Variants in MYD88 observed in about 807,000 individuals in gnomAD.
The protein encoded by MYD88 is MYD88 innate immune signal transduction adaptor, also known as myeloid differentiation primary response protein MyD88.
In MYD88, 15 loss-of-function variants were observed where a neutral mutation model predicts 31.1. The ratio of observed to expected loss-of-function variants is 0.48; its 90% CI spans 0.32 to 0.74. The LOEUF (loss-of-function observed/expected upper bound fraction) is 0.74, where lower values mean the gene tolerates loss of function less well. Ranked by LOEUF, MYD88 falls within the 30% of genes least tolerant of loss-of-function variation. The pLI is 0.03. For missense variants in MYD88, 308 were observed against 387.4 expected, an observed-to-expected ratio of 0.79 and a Z score of 1.72; for synonymous variants, 157 against 158.8, an observed-to-expected ratio of 0.99 and a Z score of 0.08.
chr3:38,139,811 TAA>T lies in MYD88; in HGVS notation c.329-51_329-50del. The stretch of plus-strand genomic sequence containing the variant: ...ACAGCGGCTGGATCCTGACTGTGGG[TAA>T]AGAGGTAGGCACTCCCAGGGAGGCT... On this transcript the variant is annotated intron_variant, in intron 1 of 4. Transcript: ENST00000650905. The surrounding 1 kb of genome is among the most constrained non-coding windows in gnomAD (Gnocchi z 4.7). 1 of 1,608,216 alleles carries T rather than the reference TAA, an allele frequency of 6.2e-7. No individual in the cohort carries two copies. Among genetic ancestry groups the T allele is most frequent in the South Asian group, 1.1e-5 (1 of 90,666 alleles).
At position 38,139,092 on chromosome 3, in the gene MYD88, A is replaced by G. The variant is rs1264216346; in HGVS notation, c.328+64A>G. 1.3e-6 allele frequency: 2 copies of G among 1,550,708 alleles called. No homozygotes were observed. The highest frequency in any genetic ancestry group is 1.7e-6 in the Non-Finnish European group (2 of 1,153,874). On this transcript the variant is annotated intron_variant, in intron 1 of 4. Coordinates refer to ENST00000650905, the MANE Select transcript of MYD88 (RefSeq NM_002468.5). This position sits in a 1 kb window ranked among gnomAD's most constrained non-coding sequence, Gnocchi z 4.7. ...GAGGAGGCTGACTTTCCGCGGCCTC[A>G]GCATCCTGTCTCCCATGGAGAGACC...
chr3:38,141,529 C>T lies in MYD88; in HGVS notation c.*243C>T, dbSNP rs1237754134. Reference sequence around the variant, plus strand: ...TCAGCCAGGACACTATAGAACAGGACCAGCTGAGACTAAGAAGGACCAGCA... The same window carrying T: ...TCAGCCAGGACACTATAGAACAGGATCAGCTGAGACTAAGAAGGACCAGCA... On this transcript the variant is annotated 3_prime_UTR_variant, in exon 5 of 5. Transcript: ENST00000650905. 2.9e-5 allele frequency: 17 copies of T among 592,636 alleles called. No individual in the cohort carries two copies. In the East Asian group the frequency reaches 4.4e-4, roughly 15 times the overall value. The allele number at this position is 592,636 out of a possible 1,614,324, so 36.7% of individuals were successfully genotyped here. A position where few individuals can be genotyped will look rare whatever the true frequency, so the allele number is the denominator to read the frequency against.
Position 38,139,718 on chromosome 3 carries a change from C to T in MYD88, c.329-146C>T, listed in dbSNP as rs570566024. On this transcript the variant is annotated intron_variant, in intron 1 of 4. Coordinates refer to ENST00000650905, the MANE Select transcript of MYD88 (RefSeq NM_002468.5). The surrounding 1 kb of genome is among the most constrained non-coding windows in gnomAD (Gnocchi z 4.7). ...CAGTGGGAGCTCAACTTCTCAGAGCCGTTGAGCTTCGCGTGGCACCAGTGA... is the reference window on the plus strand; with the variant it reads ...CAGTGGGAGCTCAACTTCTCAGAGCTGTTGAGCTTCGCGTGGCACCAGTGA... 3.8e-5 allele frequency: 38 copies of T among 997,400 alleles called. 2 individuals are homozygous for T. The highest frequency in any genetic ancestry group is 2.6e-4 in the South Asian group (19 of 72,742). The allele number at this position is 997,400 out of a possible 1,614,324, so 61.8% of individuals were successfully genotyped here.
Position 38,142,594 on chromosome 3 carries a change from G to A in MYD88, c.*1308G>A, listed in dbSNP as rs1804726. 4.3e-6 allele frequency: 1 copy of A among 233,212 alleles called. No individual in the cohort carries two copies. The highest frequency in any genetic ancestry group is 8.5e-6 in the Non-Finnish European group (1 of 118,086). The allele number at this position is 233,212 out of a possible 1,614,324, so 14.4% of individuals were successfully genotyped here. A position where few individuals can be genotyped will look rare whatever the true frequency, so the allele number is the denominator to read the frequency against. Reference sequence around the variant, plus strand: ...ACAACAATGAACTGCAGACACAGCTGTTCTCTCCCTCTCTCCTTCCCAGAG... The same window carrying A: ...ACAACAATGAACTGCAGACACAGCTATTCTCTCCCTCTCTCCTTCCCAGAG... On this transcript the variant is annotated 3_prime_UTR_variant, in exon 5 of 5. Transcript: ENST00000650905.
rs1445955783 is a variant in MYD88 at position 38,140,858 on chromosome 3, A to G, written c.736+10A>G. On this transcript the variant is annotated intron_variant, in intron 4 of 4. Coordinates refer to ENST00000650905, the MANE Select transcript of MYD88 (RefSeq NM_002468.5). ...CTCAGCCTCTCTCCAGGTAAGCTCA[A>G]CCCTGCTCTGGCAAGAGAATGAGGG... 5 of 1,612,090 alleles carry G rather than the reference A, an allele frequency of 3.1e-6. No individual in the cohort carries two copies. The highest frequency in any genetic ancestry group is 1.3e-5 in the African/African-American group (1 of 74,858).
Position 38,139,303 on chromosome 3 carries a change from T to C in MYD88, c.328+275T>C. The C allele has an allele frequency of 1.8e-6, 1 of 547,152 alleles. No homozygotes were observed. Among genetic ancestry groups the C allele is most frequent in the East Asian group, 3.1e-5 (1 of 32,174 alleles). The allele number at this position is 547,152 out of a possible 1,614,324, so 33.9% of individuals were successfully genotyped here. The stretch of plus-strand genomic sequence containing the variant: ...GCCAGGAGTCAGAATCAGGCTTCTG[T>C]GGGGGCATCTGGGCTGTTTCAAGTA... On this transcript the variant is annotated intron_variant, in intron 1 of 4. Transcript: ENST00000650905. The surrounding 1 kb of genome is among the most constrained non-coding windows in gnomAD (Gnocchi z 4.7).
rs2125776194 is a variant in MYD88, at chr3:38,139,021, C to T, written c.321C>T (p.Pro107=). 1.9e-6 allele frequency: 3 copies of T among 1,603,820 alleles called. No individual in the cohort carries two copies. Among genetic ancestry groups the T allele is most frequent in the Non-Finnish European group, 2.5e-6 (3 of 1,179,674 alleles). The change falls in exon 1 of 5, where the codon CCC becomes CCT. Residue 107 remains proline, a synonymous_variant. Transcript: ENST00000650905. This position sits in a 1 kb window ranked among gnomAD's most constrained non-coding sequence, Gnocchi z 4.7. The part of the protein sequence containing the change: ...GRDDVLLELG[P]SIEEDCQKYI... The stretch of plus-strand genomic sequence containing the variant: ...ACGACGTGCTGCTGGAGCTGGGACC[C>T]AGCATTGGTGAGGACGTCCCCTTCC...
In MYD88 at chr3:38,139,138, C is replaced by T; in HGVS notation, c.328+110C>T. On this transcript the variant is annotated intron_variant, in intron 1 of 4. Coordinates refer to ENST00000650905, the MANE Select transcript of MYD88 (RefSeq NM_002468.5). This position sits in a 1 kb window ranked among gnomAD's most constrained non-coding sequence, Gnocchi z 4.7. ...AGACCCCATTTCCTGCCTCGGGGGC[C>T]CGAAGAAGCCTGCAGAGGGAGAACC... 1 of 1,393,080 alleles carries T rather than the reference C, an allele frequency of 7.2e-7. No homozygotes were observed. Among genetic ancestry groups the T allele is most frequent in the Non-Finnish European group, 9.5e-7 (1 of 1,051,952 alleles). 86.3% of individuals were successfully genotyped at this position (1,393,080 alleles called of 1,614,324 possible).
At position 38,142,981 on chromosome 3, in the gene MYD88, C is replaced by T. The variant is rs1701115771; in HGVS notation, c.*1695C>T. ...TTCCTATATCCTGGAATATATCTTG[C>T]ATCCTGAGTTTATAATAATAAATAA... On this transcript the variant is annotated 3_prime_UTR_variant, in exon 5 of 5. Transcript: ENST00000650905. 2 of 232,806 alleles carry T rather than the reference C, an allele frequency of 8.6e-6. No individual in the cohort carries two copies. Among genetic ancestry groups the T allele is most frequent in the Admixed American group, 5.6e-5 (1 of 17,772 alleles). The allele number at this position is 232,806 out of a possible 1,614,324, so 14.4% of individuals were successfully genotyped here. A position where few individuals can be genotyped will look rare whatever the true frequency, so the allele number is the denominator to read the frequency against.
At chr3:38,140,734 G>A (rs1285665932) in intron 3 of MYD88, 23 bp from the exon 4 acceptor site, 9 of 1,612,018 alleles carry the variant, frequency 5.6e-6, no homozygotes, top group Admixed American at 1.7e-5. Context: ...CACAGGACCT[G>A]CAGCCTGCCC....
rs770424976 is a variant in MYD88 at position 38,140,408 on chromosome 3, G to A, written c.484G>A (p.Asp162Asn). 6 of 1,614,058 alleles carry A rather than the reference G, an allele frequency of 3.7e-6. No homozygotes were observed. Among genetic ancestry groups the A allele is most frequent in the East Asian group, 2.2e-5 (1 of 44,894 alleles). ...CCCAGGGCATATGCCTGAGCGTTTC[G>A]ATGCCTTCATCTGCTATTGCCCCAG... ...DPLGHMPERFDAFICYCPSDI... is the reference protein window; with the variant it reads ...DPLGHMPERFNAFICYCPSDI... The change falls in exon 3 of 5, where the codon GAT becomes AAT. Residue 162 changes from aspartate (D) to asparagine (N), a missense_variant. Asp to Asn is a conservative substitution (Grantham distance 23, BLOSUM62 1). Coordinates refer to ENST00000650905, the MANE Select transcript of MYD88 (RefSeq NM_002468.5).
Position 38,139,407 on chromosome 3 carries a change from C to A in MYD88, c.328+379C>A, listed in dbSNP as rs995389428. On this transcript the variant is annotated intron_variant, in intron 1 of 4. Transcript: ENST00000650905. The surrounding 1 kb of genome is among the most constrained non-coding windows in gnomAD (Gnocchi z 4.7). ...TCCTGGGGAAATGCAGCCCTTCTTT[C>A]TACTCACTGGCACTTACATAATATA... 1 of 405,530 alleles carries A rather than the reference C, an allele frequency of 2.5e-6. No homozygotes were observed. The highest frequency in any genetic ancestry group is 4.5e-6 in the Non-Finnish European group (1 of 219,840). 25.1% of individuals were successfully genotyped at this position (405,530 alleles called of 1,614,324 possible).
At position 38,141,783 on chromosome 3, in the gene MYD88, C is replaced by T. The variant is rs1234679628; in HGVS notation, c.*497C>T. 15 of 333,646 alleles carry T rather than the reference C, an allele frequency of 4.5e-5. No homozygotes were observed. The highest frequency in any genetic ancestry group is 8.5e-5 in the Non-Finnish European group (15 of 176,980). The allele number at this position is 333,646 out of a possible 1,614,324, so 20.7% of individuals were successfully genotyped here. ...ACGACACTGCTGGGGCAGCTTCTTC[C>T]ACAGTGATGCCTACTGATGCTTCAG... On this transcript the variant is annotated 3_prime_UTR_variant, in exon 5 of 5. Coordinates refer to ENST00000650905, the MANE Select transcript of MYD88 (RefSeq NM_002468.5).
Position 38,139,864 on chromosome 3 carries a change from A to G in MYD88, c.329A>G (p.Glu110Gly). ...GCTTTACTCTGTCTCTTCCCCACAG[A>G]GGAGGATTGCCAAAAGTATATCTTG... ...DVLLELGPSI[E>G]EDCQKYILKQ... The change falls in exon 2 of 5, where the codon GAG (glutamate) becomes GGG (glycine). Residue 110 changes from glutamate to glycine, a missense_variant and splice_region_variant. Glu to Gly is a moderately conservative substitution (Grantham distance 98). Transcript: ENST00000650905. This position sits in a 1 kb window ranked among gnomAD's most constrained non-coding sequence, Gnocchi z 4.7. The G allele has an allele frequency of 6.2e-7, 1 of 1,612,850 alleles. No individual in the cohort carries two copies. The highest frequency in any genetic ancestry group is 1.1e-5 in the South Asian group (1 of 91,020).
chr3:38,140,677 G>GGGCC (rs1167796272), intron 3 of MYD88, 80 bp from the exon 4 acceptor site: 1 of 1,595,136 alleles, frequency 6.3e-7, no homozygotes, highest in African/African-American at 1.3e-5. Flanking sequence ...TGGGCACAGT[G>GGGCC]GGCCCTTCCT....
In MYD88 at chr3:38,141,453, T is replaced by C. The variant is rs567464021; in HGVS notation, c.*167T>C. On this transcript the variant is annotated 3_prime_UTR_variant, in exon 5 of 5. Transcript: ENST00000650905. ...TGCAGCAGCTGGACATCACATTTCA[T>C]GTCCTGCATGGAACCAGTGGCTGTG... 1.2e-5 allele frequency: 11 copies of C among 889,312 alleles called. No individual in the cohort carries two copies. The highest frequency in any genetic ancestry group is 1.2e-4 in the Admixed American group (6 of 51,258). 55.1% of individuals were successfully genotyped at this position (889,312 alleles called of 1,614,324 possible).
Position 38,140,810 on chromosome 3 carries a change from G to A in MYD88, c.698G>A (p.Cys233Tyr), listed in dbSNP as rs2125779627. The change falls in exon 4 of 5, where the codon TGT (cysteine) becomes TAT (tyrosine). Residue 233 changes from cysteine to tyrosine, a missense_variant. By Grantham distance (194) the Cys-to-Tyr change is radical (BLOSUM62 -2). Transcript: ENST00000650905. ...VSDDYLQSKE[C>Y]DFQTKFALSL... ...GATGATTACCTGCAGAGCAAGGAAT[G>A]TGACTTCCAGACCAAATTTGCACTC... The A allele has an allele frequency of 6.2e-7, 1 of 1,614,220 alleles. No individual in the cohort carries two copies. The highest frequency in any genetic ancestry group is 1.3e-5 in the African/African-American group (1 of 75,062).
At position 38,140,789 on chromosome 3, in the gene MYD88, A is replaced by G. The variant is rs769242533; in HGVS notation, c.677A>G (p.Asp226Gly). The G allele has an allele frequency of 6.2e-7, 1 of 1,614,142 alleles. No individual in the cohort carries two copies. The highest frequency in any genetic ancestry group is 8.5e-7 in the Non-Finnish European group (1 of 1,180,016). The change falls in exon 4 of 5, where the codon GAT (aspartate) becomes GGT (glycine). Residue 226 changes from aspartate to glycine, a missense_variant. Physicochemically the swap from Asp to Gly is moderately conservative, Grantham distance 94 (BLOSUM62 -1). Transcript: ENST00000650905. ...CGGATGGTGGTGGTTGTCTCTGATG[A>G]TTACCTGCAGAGCAAGGAATGTGAC... ...CRRMVVVVSDDYLQSKECDFQ... is the reference protein window; with the variant it reads ...CRRMVVVVSDGYLQSKECDFQ...
At chr3:38,140,730 A>G (rs2125779324) in intron 3 of MYD88, 27 bp from the exon 4 acceptor site, 1 of 1,610,544 alleles carries the variant, frequency 6.2e-7, no homozygotes. Context: ...TTGCCACAGG[A>G]CCTGCAGCCT....
Sources: allele counts gnomAD v4.1 joint callset, GRCh38; gene constraint gnomAD v4.1.1; non-coding constraint Gnocchi (gnomAD v3.1); transcripts MANE v1.5; gene names NCBI Gene and HGNC (gene_info 2026-07-23, HGNC 2026-07-21).